ADARB1: variants seen among roughly 807,000 people sequenced by gnomAD.
ADARB1 encodes double-stranded RNA-specific editase 1.
In ADARB1, 10 loss-of-function variants were observed where a neutral mutation model predicts 52.4. The ratio of observed to expected loss-of-function variants is 0.19; its 90% confidence interval spans 0.12 to 0.32. The LOEUF is 0.32. Ranked by LOEUF, ADARB1 falls within the 10% of genes least tolerant of loss-of-function variation. ADARB1 has a pLI of 1.00. For synonymous variants in ADARB1, 349 were observed against 371.1 expected (o/e 0.94, Z 0.68); for missense variants, 643 against 922.3 (o/e 0.70, Z 3.92).
intron 2 of ADARB1, among the ~76,000 whole-genome samples, chr21:45,158,645 C>T (rs563822661): frequency 3.9e-5 from 6 of 152,188 alleles, no homozygotes; most frequent in Admixed American, 1.3e-4. Flanking sequence ...GTGTTTCCTC[C>T]ACCAAAGCAC....
At chr21:45,194,789 T>C (rs1166837323) in intron 8 of ADARB1, among the ~76,000 whole-genome samples, 1 of 152,226 alleles carries the variant, frequency 6.6e-6, no homozygotes, top group Non-Finnish European at 1.5e-5. Flanking sequence ...TGCTAAATAA[T>C]AGTTTGGATG....
At chr21:45,150,236 T>C (rs1304216316) in intron 2 of ADARB1, among the ~76,000 whole-genome samples, 2 of 152,234 alleles carry the variant, frequency 1.3e-5, no homozygotes, top group Admixed American at 6.5e-5. Context: ...ATCCTGCCGC[T>C]GCATTCCAGC....
At chr21:45,138,458 A>ACAG (rs901357577) in intron 2 of ADARB1, among the ~76,000 whole-genome samples, 5 of 152,330 alleles carry the variant, frequency 3.3e-5, no homozygotes, top group Admixed American at 6.5e-5. Context: ...TCGCTGCAGT[A>ACAG]CAGCAGCAGC....
rs773665960 is a variant in ADARB1 at position 45,221,981 on chromosome 21, C to T, written c.1927-37C>T. On this transcript the variant is annotated intron_variant, in intron 10 of 10. Coordinates refer to ENST00000348831, the MANE Select transcript of ADARB1 (RefSeq NM_001112.4). This position sits in a 1 kb window ranked among gnomAD's most constrained non-coding sequence, Gnocchi z 4.9. ...TAGGTGTTGTTTTCATCTGTTACAG[C>T]GTCAACAGTTGCATTTGTTTTTTTA... 3.6e-5 allele frequency: 57 copies of T among 1,595,686 alleles called. No individual in the cohort carries two copies. The highest frequency in any genetic ancestry group is 2.0e-4 in the East Asian group (9 of 44,798).
Position 45,223,599 on chromosome 21 carries a change from G to A in ADARB1, c.*1402G>A, listed in dbSNP as rs1602091636. 6 of 985,750 alleles carry A rather than the reference G, an allele frequency of 6.1e-6. No individual in the cohort carries two copies. The East Asian group carries it at 3.4e-4, about 56-fold the overall frequency. 61.1% of individuals were successfully genotyped at this position (985,750 alleles called of 1,614,324 possible). On this transcript the variant is annotated 3_prime_UTR_variant, in exon 11 of 11. Transcript: ENST00000348831. ...TCAGGTGGGTCTCCTGGGGCCATGG[G>A]GAGAGATTGGTGCAGACCTTACCCC...
chr21:45,202,703 CTGCTG>C (rs1317311965), intron 8 of ADARB1, among the ~76,000 whole-genome samples: 1 of 152,204 alleles, frequency 6.6e-6, no homozygotes, highest in East Asian at 1.9e-4. Context: ...CTGACCTGTA[CTGCTG>C]AGCGTCTTCC....
At chr21:45,129,781 G>C (rs1374861753) in intron 2 of ADARB1, among the ~76,000 whole-genome samples, 2 of 152,282 alleles carry the variant, frequency 1.3e-5, no homozygotes, top group African/African-American at 4.8e-5. Context: ...TGGGAGCCTA[G>C]GGGGGACGCC....
At chr21:45,211,518 A>T (rs2037379286) in intron 9 of ADARB1, among the ~76,000 whole-genome samples, 1 of 152,194 alleles carries the variant, frequency 6.6e-6, no homozygotes, top group African/African-American at 2.4e-5. Context: ...TAACCCTAAA[A>T]TATCCATTAA....
At chr21:45,136,559 G>A (rs1328732964) in intron 2 of ADARB1, among the ~76,000 whole-genome samples, 1 of 152,214 alleles carries the variant, frequency 6.6e-6, no homozygotes, top group East Asian at 1.9e-4. Flanking sequence ...CAACAAACAT[G>A]TACTGAGCCC....
At chr21:45,143,317 A>G (rs2089831614) in intron 2 of ADARB1, among the ~76,000 whole-genome samples, 2 of 152,066 alleles carry the variant, frequency 1.3e-5, no homozygotes, top group South Asian at 4.2e-4. Context: ...GACCTCCACA[A>G]CTTAAGACAT....
At chr21:45,119,116 G>A (rs1005470041) in intron 1 of ADARB1, among the ~76,000 whole-genome samples, 1 of 152,096 alleles carries the variant, frequency 6.6e-6, no homozygotes, top group East Asian at 1.9e-4. Flanking sequence ...TAGAGGCAGG[G>A]TCTCGCTCTG....
At chr21:45,082,329 A>C (rs1317051052) in intron 1 of ADARB1, among the ~76,000 whole-genome samples, 1 of 152,218 alleles carries the variant, frequency 6.6e-6, no homozygotes, top group Non-Finnish European at 1.5e-5. Context: ...CTAACCTTCA[A>C]AATTCAAAGT....
In ADARB1 at chr21:45,225,838, T is replaced by C. The variant is rs949565626; in HGVS notation, c.*3641T>C. ...CTGTGTAAGTGGAAAGGGCATTGTG[T>C]TCCGTGTGTGTCCAGTTTACAGCGT... On this transcript the variant is annotated 3_prime_UTR_variant, in exon 11 of 11. Transcript: ENST00000348831. 3 of 353,638 alleles carry C rather than the reference T, an allele frequency of 8.5e-6. No homozygotes were observed. Among genetic ancestry groups the C allele is most frequent in the Non-Finnish European group, 1.5e-5 (3 of 197,692 alleles). The allele number at this position is 353,638 out of a possible 1,614,324, so 21.9% of individuals were successfully genotyped here.
intron 9 of ADARB1, among the ~76,000 whole-genome samples, chr21:45,218,983 T>C (rs2092916841): frequency 6.6e-6 from 1 of 152,256 alleles, no homozygotes. Flanking sequence ...TGCAGATACA[T>C]GTATTCAATT....
At chr21:45,199,956 CTT>C (rs1569158141) in intron 8 of ADARB1, among the ~76,000 whole-genome samples, 2 of 152,166 alleles carry the variant, frequency 1.3e-5, no homozygotes, top group Non-Finnish European at 2.9e-5. Flanking sequence ...AGTAATTAGA[CTT>C]TACCTCAAGG....
In ADARB1 at chr21:45,222,082, C is replaced by T. The variant is rs2146470403; in HGVS notation, c.1991C>T (p.Ala664Val). Residue 664 changes from alanine (A) to valine (V), a missense_variant, in exon 11 of 11, where the codon GCG becomes GTG. Around this residue, in one of 2 missense-constraint regions of ADARB1, gnomAD observed 263 missense variants for 475.8 expected, o/e 0.55. Coordinates refer to ENST00000348831, the MANE Select transcript of ADARB1 (RefSeq NM_001112.4). The part of the protein sequence containing the change: ...KPNVYHESKL[A>V]AKEYQAAKAR... ...AACGTGTACCATGAGTCCAAGCTGG[C>T]GGCAAAGGAGTACCAGGCCGCCAAG... The T allele has an allele frequency of 3.7e-6, 6 of 1,613,526 alleles. No individual in the cohort carries two copies. Among genetic ancestry groups the T allele is most frequent in the South Asian group, 1.1e-5 (1 of 91,074 alleles).
At chr21:45,162,299 G>T (rs937800229) in intron 2 of ADARB1, among the ~76,000 whole-genome samples, 1 of 152,150 alleles carries the variant, frequency 6.6e-6, no homozygotes, top group African/African-American at 2.4e-5. Flanking sequence ...CTGCAGCCTT[G>T]CAGGGAGCCA....
At chr21:45,184,817 T>G (rs2146219580) in intron 7 of ADARB1, 106 bp from the exon 8 acceptor site, 2 of 1,250,314 alleles carry the variant, frequency 1.6e-6, no homozygotes, top group East Asian at 4.7e-5. Flanking sequence ...TGCATTTATA[T>G]GCACAGACTG....
In ADARB1 at chr21:45,225,255, C is replaced by T; in HGVS notation, c.*3058C>T. On this transcript the variant is annotated 3_prime_UTR_variant, in exon 11 of 11. Coordinates refer to ENST00000348831, the MANE Select transcript of ADARB1 (RefSeq NM_001112.4). ...AGGTCCAGATGGATGTCGTCACCAC[C>T]TTCCTCAGCTCTCATCACCTGGTCG... The T allele has an allele frequency of 8.8e-7, 1 of 1,139,846 alleles. No homozygotes were observed. Among genetic ancestry groups the T allele is most frequent in the Middle Eastern group, 3.6e-4 (1 of 2,764 alleles). 70.6% of individuals were successfully genotyped at this position (1,139,846 alleles called of 1,614,324 possible).
Sources: allele counts gnomAD v4.1 joint callset (sites outside exome capture counted in the v4.1 genomes callset), GRCh38; gene constraint gnomAD v4.1.1; regional missense constraint gnomAD v4.1.1; non-coding constraint Gnocchi (gnomAD v3.1); transcripts MANE v1.5; gene names NCBI Gene and HGNC (gene_info 2026-07-23, HGNC 2026-07-21).